Variants in TM4SF5 observed in about 807,000 individuals in gnomAD.
TM4SF5 encodes transmembrane 4 L six family member 5, also known as transmembrane 4 L6 family member 5.
TM4SF5 carries 16 observed loss-of-function variants against 22.3 expected under a neutral mutation model. The observed-to-expected ratio is 0.72, with a 90% CI of 0.49 to 1.09. The LOEUF is 1.09. Ranked by LOEUF, TM4SF5 falls within the 50% of genes least tolerant of loss-of-function variation. The pLI, the probability that TM4SF5 is intolerant of heterozygous loss-of-function variation, is 0.00. For missense variants in TM4SF5, 249 were observed against 266.1 expected, an observed-to-expected ratio of 0.94 and a Z score of 0.45; for synonymous variants, 113 against 109.6, an observed-to-expected ratio of 1.03 and a Z score of -0.19.
At chr17:4,772,134 G>A (rs757509128) in intron 1 of TM4SF5, 35 bp downstream of exon 1, 1 of 1,613,012 alleles carries the variant, frequency 6.2e-7, no homozygotes, top group South Asian at 1.1e-5. Context: ...GGGCCAGCTG[G>A]CTGGGTGCCA....
At chr17:4,782,006 G>A (rs1244840272) in intron 2 of TM4SF5, among the ~76,000 whole-genome samples, 1 of 151,982 alleles carries the variant, frequency 6.6e-6, no homozygotes, top group Admixed American at 6.6e-5. Flanking sequence ...CTGGGAGTCC[G>A]CAGAGGAGCT....
At chr17:4,777,331 T>C (rs985681530) in intron 1 of TM4SF5, among the ~76,000 whole-genome samples, 10 of 152,162 alleles carry the variant, frequency 6.6e-5, no homozygotes, top group Non-Finnish European at 2.9e-5. Flanking sequence ...ATAAGCACAG[T>C]GTTTTCTTCT....
chr17:4,780,004 C>T (rs1917270451), intron 1 of TM4SF5, among the ~76,000 whole-genome samples: 1 of 151,996 alleles, frequency 6.6e-6, no homozygotes, highest in African/African-American at 2.4e-5. Flanking sequence ...ACCTCTATCC[C>T]TTCCTGCTGC....
At position 4,772,742 on chromosome 17, in the gene TM4SF5, G is replaced by T. The variant is rs528699067; in HGVS notation, c.177+643G>T. 1.5e-4 allele frequency among the ~76,000 whole-genome samples: 22 copies of T among 150,786 alleles called. No homozygotes were observed. The South Asian group carries it at 4.4e-3, about 30-fold the overall frequency. On this transcript the variant is annotated intron_variant, in intron 1 of 4. Coordinates refer to ENST00000270560, the MANE Select transcript of TM4SF5 (RefSeq NM_003963.3). ...TGTTTTTTTTTTTTTTTGAGACAGG[G>T]TCTCTCTCTGTTGCCCAGGCTGGAG...
rs367742481 is a variant in TM4SF5 at position 4,780,874 on chromosome 17, G to C, written c.258+5G>C. Reference sequence around the variant, plus strand: ...TGCTGTGGAAACCGCTGCAGGGTAAGATCCAGATTAAGAAGGAATTCAGGG... The same window carrying C: ...TGCTGTGGAAACCGCTGCAGGGTAACATCCAGATTAAGAAGGAATTCAGGG... On this transcript the variant is annotated splice_donor_5th_base_variant and intron_variant, in intron 2 of 4. Coordinates refer to ENST00000270560, the MANE Select transcript of TM4SF5 (RefSeq NM_003963.3). 3.3e-5 allele frequency: 53 copies of C among 1,612,066 alleles called. No homozygotes were observed. The highest frequency in any genetic ancestry group is 4.3e-5 in the Non-Finnish European group (51 of 1,179,092).
chr17:4,782,829 C>T (rs1917339997), intron 3 of TM4SF5, 25 bp from the exon 4 acceptor site: 1 of 1,601,038 alleles, frequency 6.2e-7, no homozygotes, highest in Non-Finnish European at 8.5e-7. Flanking sequence ...CTGCCTTCTC[C>T]CACGTGGCCT....
In TM4SF5 at chr17:4,780,813, G is replaced by T; in HGVS notation, c.202G>T (p.Val68Phe). 1 of 1,610,654 alleles carries T rather than the reference G, an allele frequency of 6.2e-7. No homozygotes were observed. The change falls in exon 2 of 5, where the codon GTT (valine) becomes TTT (phenylalanine). Residue 68 changes from valine to phenylalanine, a missense_variant. Physicochemically the swap from Val to Phe is conservative, Grantham distance 50. Transcript: ENST00000270560. ...LMVLCPGIAA[V>F]RAGGKGCCGA... ...GGTACTGTGTCCGGGGATTGCAGCC[G>T]TTCGGGCAGGGGGCAAGGGCTGCTG...
chr17:4,777,140 T>A (rs1597297986), intron 1 of TM4SF5, among the ~76,000 whole-genome samples: 1 of 147,476 alleles, frequency 6.8e-6, no homozygotes. Context: ...GAGGTTACAG[T>A]GAGCCGAGAT....
In TM4SF5 at chr17:4,777,996, T is replaced by C. The variant is rs138905820; in HGVS notation, c.178-2793T>C. On this transcript the variant is annotated intron_variant, in intron 1 of 4. Transcript: ENST00000270560. ...AGGAGGTCGAGGCTGCAGTGAGCCATGATCATGCCACTGCACTCCAGTCTG... is the reference window on the plus strand; with the variant it reads ...AGGAGGTCGAGGCTGCAGTGAGCCACGATCATGCCACTGCACTCCAGTCTG... 2.9e-3 allele frequency among the ~76,000 whole-genome samples: 437 copies of C among 150,146 alleles called. 1 individual carries two copies. The highest frequency in any genetic ancestry group is 4.1e-3 in the Non-Finnish European group (279 of 67,448).
chr17:4,777,881 T>A (rs1312404713), intron 1 of TM4SF5, among the ~76,000 whole-genome samples: 1 of 151,700 alleles, frequency 6.6e-6, no homozygotes, highest in East Asian at 1.9e-4. Flanking sequence ...CAAAACTTCG[T>A]CTCAAAAAAG....
intron 1 of TM4SF5, among the ~76,000 whole-genome samples, chr17:4,778,393 T>C (rs1917243477): frequency 6.6e-6 from 1 of 151,926 alleles, no homozygotes; most frequent in Admixed American, 6.6e-5. Flanking sequence ...AGCAGGAGGA[T>C]TGCTTGAGCC....
Position 4,772,265 on chromosome 17 carries a change from G to C in TM4SF5, c.177+166G>C, listed in dbSNP as rs182100961. On this transcript the variant is annotated intron_variant, in intron 1 of 4. Coordinates refer to ENST00000270560, the MANE Select transcript of TM4SF5 (RefSeq NM_003963.3). ...TGGAGTCAGTCCTGGAGGAGCCCCA[G>C]GGTCCCAAGCTGAATGTCTGTGGGG... Among the ~76,000 whole-genome samples, 43 of 152,302 alleles carry C rather than the reference G, an allele frequency of 2.8e-4. No individual in the cohort carries two copies. In the East Asian group the frequency reaches 7.9e-3, roughly 28 times the overall value.
chr17:4,772,323 G>A, intron 1 of TM4SF5, among the ~76,000 whole-genome samples: 1 of 152,268 alleles, frequency 6.6e-6, no homozygotes, highest in African/African-American at 2.4e-5. Flanking sequence ...CTGCTCTAAA[G>A]AGCTCCCCTA....
In TM4SF5 at chr17:4,780,800, G is replaced by C. The variant is rs13520; in HGVS notation, c.189G>C (p.Pro63=). 6.2e-7 allele frequency: 1 copy of C among 1,609,630 alleles called. No individual in the cohort carries two copies. Among genetic ancestry groups the C allele is most frequent in the South Asian group, 1.1e-5 (1 of 90,144 alleles). ...CTCTTGTCCCACAGGTACTGTGTCC[G>C]GGGATTGCAGCCGTTCGGGCAGGGG... ...FIGGGLMVLC[P]GIAAVRAGGK... Residue 63 remains proline (P), a synonymous_variant, in exon 2 of 5, where the codon CCG becomes CCC. Transcript: ENST00000270560.
At chr17:4,777,912 T>C (rs375095537) in intron 1 of TM4SF5, among the ~76,000 whole-genome samples, 2 of 151,852 alleles carry the variant, frequency 1.3e-5, no homozygotes, top group East Asian at 3.9e-4. Flanking sequence ...CTGAGTGTGG[T>C]GGTACAAGCC....
Position 4,780,774 on chromosome 17 carries a change from A to C in TM4SF5, c.178-15A>C, listed in dbSNP as rs774376688. 38 of 1,601,942 alleles carry C rather than the reference A, an allele frequency of 2.4e-5. No individual in the cohort carries two copies. The highest frequency in any genetic ancestry group is 3.1e-5 in the Non-Finnish European group (36 of 1,174,172). ...TCTGGGGGGACGTGCTATAACAATG[A>C]CTCTTGTCCCACAGGTACTGTGTCC... On this transcript the variant is annotated splice_polypyrimidine_tract_variant and intron_variant, in intron 1 of 4. Transcript: ENST00000270560.
chr17:4,777,277 G>A (rs1917225532), intron 1 of TM4SF5, among the ~76,000 whole-genome samples: 1 of 152,022 alleles, frequency 6.6e-6, no homozygotes, highest in Non-Finnish European at 1.5e-5. Context: ...GCTTGGACTA[G>A]GCCAGTGGCT....
At chr17:4,776,715 T>C (rs1172825244) in intron 1 of TM4SF5, among the ~76,000 whole-genome samples, 1 of 152,224 alleles carries the variant, frequency 6.6e-6, no homozygotes, top group African/African-American at 2.4e-5. Flanking sequence ...GCATTTCTAT[T>C]GGATAAAAAC....
At chr17:4,776,545 G>A (rs1201216749) in intron 1 of TM4SF5, among the ~76,000 whole-genome samples, 4 of 151,992 alleles carry the variant, frequency 2.6e-5, no homozygotes, top group Admixed American at 6.6e-5. Context: ...TAGGTGATCC[G>A]CCTGCCTCGG....
Sources: gnomAD v4.1 joint callset for allele counts (sites outside exome capture counted in the v4.1 genomes callset) on GRCh38, gnomAD v4.1.1 for gene constraint, MANE v1.5 for transcripts, NCBI Gene and HGNC (gene_info 2026-07-23, HGNC 2026-07-21) for gene names.